Variants in PPL observed in about 807,000 individuals in gnomAD.
The protein encoded by PPL is 190 kDa paraneoplastic pemphigus antigen.
In PPL, 198 loss-of-function variants were observed where a neutral mutation model predicts 194.4. That is an observed-to-expected ratio of 1.02 (90% CI 0.91 to 1.15). The LOEUF (loss-of-function observed/expected upper bound fraction) is 1.15. Among genes scored for constraint, PPL ranks in the 50% most tolerant of loss-of-function variants. PPL has a pLI of 0.00. For synonymous variants in PPL, 1,220 were observed against 972.4 expected, an observed-to-expected ratio of 1.25 and a Z score of -4.74; for missense variants, 2,885 against 2,294.8, an observed-to-expected ratio of 1.26 and a Z score of -5.25.
Position 4,883,422 on chromosome 16 carries a change from T to C in PPL, c.5233A>G (p.Ile1745Val), listed in dbSNP as rs1467739994. ...YDRYVNKDMS[I>V]QELAVLVSGQ... ...GATACCAAGACCGCCAGCTCCTGGA[T>C]GGACATATCCTTGTTGACATAGCGG... The change falls in exon 22 of 22, where the codon ATC becomes GTC. Residue 1745 changes from isoleucine (I) to valine (V), a missense_variant. By Grantham distance (29) the Ile-to-Val change is conservative. Coordinates refer to ENST00000345988, the MANE Select transcript of PPL (RefSeq NM_002705.5). This position sits in a 1 kb window ranked among gnomAD's most constrained non-coding sequence, Gnocchi z 4.8. 2 of 1,614,072 alleles carry C rather than the reference T, an allele frequency of 1.2e-6. No homozygotes were observed. The highest frequency in any genetic ancestry group is 2.7e-5 in the African/African-American group (2 of 74,932).
chr16:4,913,100 T>A (rs2088852519), intron 1 of PPL, among the ~76,000 whole-genome samples: 2 of 149,758 alleles, frequency 1.3e-5, no homozygotes, highest in African/African-American at 2.5e-5. Context: ...CGAGACTCCA[T>A]CTCGAAAAAA....
chr16:4,913,602 A>T (rs532526131), intron 1 of PPL, among the ~76,000 whole-genome samples: 1 of 152,298 alleles, frequency 6.6e-6, no homozygotes, highest in East Asian at 1.9e-4. Flanking sequence ...CAGTGGTATC[A>T]TCTTGGCTCG....
At position 4,904,000 on chromosome 16, in the gene PPL, C is replaced by G; in HGVS notation, c.203G>C (p.Arg68Pro). The change falls in exon 3 of 22, where the codon CGG (arginine) becomes CCG (proline). Residue 68 changes from arginine to proline, a missense_variant. Physicochemically the swap from Arg to Pro is moderately radical, Grantham distance 103. Coordinates refer to ENST00000345988, the MANE Select transcript of PPL (RefSeq NM_002705.5). ...RLQEGRQPEH[R>P]DVTLQKVLDS... is the part of the protein sequence containing the mutation. ...CAACACCTTCTGCAGGGTCACGTCCCGGTGCTCAGGCTGCCGACCCTCCTG... is the reference window on the plus strand; with the variant it reads ...CAACACCTTCTGCAGGGTCACGTCCGGGTGCTCAGGCTGCCGACCCTCCTG... 1 of 1,613,350 alleles carries G rather than the reference C, an allele frequency of 6.2e-7. No individual in the cohort carries two copies. Among genetic ancestry groups the G allele is most frequent in the Non-Finnish European group, 8.5e-7 (1 of 1,180,000 alleles).
chr16:4,895,799 C>T, intron 9 of PPL, 83 bp from the exon 10 acceptor site: 5 of 1,590,234 alleles, frequency 3.1e-6, no homozygotes, highest in South Asian at 2.2e-5. Flanking sequence ...GCTCATCCCT[C>T]AGGCGGGGCT....
At position 4,894,565 on chromosome 16, in the gene PPL, G is replaced by A. The variant is rs1402164321; in HGVS notation, c.1296C>T (p.Ser432=). 6.2e-7 allele frequency: 1 copy of A among 1,613,966 alleles called. No individual in the cohort carries two copies. The highest frequency in any genetic ancestry group is 1.1e-5 in the South Asian group (1 of 91,076). ...SYTLQKNNGE[S]WELMDSAGNK... is the part of the protein sequence containing the mutation. ...TCCCAGCGCTGTCCATGAGCTCCCA[G>A]CTCTCCCCGTTGTTCTTCTGCAGGG... is the stretch of plus-strand genomic sequence containing the variant. The change falls in exon 12 of 22, where the codon AGC becomes AGT. Residue 432 remains serine, a synonymous_variant. Transcript: ENST00000345988.
intron 1 of PPL, among the ~76,000 whole-genome samples, chr16:4,927,516 GAAGC>G (rs1195704199): frequency 6.6e-6 from 1 of 152,202 alleles, no homozygotes; most frequent in African/African-American, 2.4e-5. Context: ...AGGTTTAAAA[GAAGC>G]AAGATGCCGA....
rs999278539 is a variant in PPL, at chr16:4,893,376, G to T, written c.1493-6C>A. 1.9e-6 allele frequency: 3 copies of T among 1,604,704 alleles called. No homozygotes were observed. The highest frequency in any genetic ancestry group is 1.3e-5 in the African/African-American group (1 of 75,030). On this transcript the variant is annotated splice_polypyrimidine_tract_variant and splice_region_variant and intron_variant, in intron 13 of 21. Transcript: ENST00000345988. ...CCCCTGTAGGTCAGAGGCATCTGTG[G>T]AGGGAGGGAGGACACAGGCAGGTGT...
chr16:4,910,769 A>G, intron 2 of PPL, 81 bp downstream of exon 2: 1 of 1,245,580 alleles, frequency 8.0e-7, no homozygotes, highest in Non-Finnish European at 1.2e-6. Flanking sequence ...GGTGAGAATC[A>G]CCGATTCCAA....
In PPL at chr16:4,895,395, C is replaced by G. The variant is rs1464414844; in HGVS notation, c.1108G>C (p.Val370Leu). ...LLRELDDQEK[V>L]LDKYEDVVQG... is the part of the protein sequence containing the mutation. ...ACCACGTCCTCATACTTGTCCAGCA[C>G]CTTCTCCTGGTCCTGGAGAGAACGG... Residue 370 changes from valine to leucine, a missense_variant, in exon 11 of 22, where the codon GTG (valine) becomes CTG (leucine). Physicochemically the swap from Val to Leu is conservative, Grantham distance 32. Coordinates refer to ENST00000345988, the MANE Select transcript of PPL (RefSeq NM_002705.5). 2 of 1,613,170 alleles carry G rather than the reference C, an allele frequency of 1.2e-6. No homozygotes were observed. The highest frequency in any genetic ancestry group is 1.3e-5 in the African/African-American group (1 of 74,924).
chr16:4,894,621 G>A lies in PPL; in HGVS notation c.1243-3C>T. ...CTGTAGCCCCGCGAGATCAGGCCCT[G>A]GCGGGGGCAGGCTGGACAGTCAGGA... On this transcript the variant is annotated splice_polypyrimidine_tract_variant and splice_region_variant and intron_variant, in intron 11 of 21. Coordinates refer to ENST00000345988, the MANE Select transcript of PPL (RefSeq NM_002705.5). The A allele has an allele frequency of 1.2e-6, 2 of 1,612,056 alleles. No individual in the cohort carries two copies. The highest frequency in any genetic ancestry group is 2.2e-5 in the South Asian group (2 of 91,076).
chr16:4,932,619 T>C (rs1204345384), intron 1 of PPL, among the ~76,000 whole-genome samples: 1 of 152,092 alleles, frequency 6.6e-6, no homozygotes, highest in Non-Finnish European at 1.5e-5. Context: ...GATTTCACCA[T>C]GTTGGCCAGG....
At chr16:4,933,596 A>G in intron 1 of PPL, among the ~76,000 whole-genome samples, 1 of 152,132 alleles carries the variant, frequency 6.6e-6, no homozygotes, top group East Asian at 1.9e-4. Context: ...GGCCTGTCAC[A>G]AAGTATGTGA....
Position 4,889,029 on chromosome 16 carries a change from C to T in PPL, c.2346G>A (p.Gln782=), listed in dbSNP as rs1333074820. ...NLLDEIASRE[Q]EVQKICANSQ... ...AATTGGCACAGATCTTCTGTACTTC[C>T]TGCTCCCTACTTGCTATCTCATCTA... The change falls in exon 19 of 22, where the codon CAG becomes CAA. Residue 782 remains glutamine (Q), a synonymous_variant. Coordinates refer to ENST00000345988, the MANE Select transcript of PPL (RefSeq NM_002705.5). 1.9e-6 allele frequency: 3 copies of T among 1,613,762 alleles called. No individual in the cohort carries two copies. Among genetic ancestry groups the T allele is most frequent in the Non-Finnish European group, 1.7e-6 (2 of 1,179,894 alleles).
Position 4,894,490 on chromosome 16 carries a change from A to C in PPL, c.1371T>G (p.Pro457=), listed in dbSNP as rs1049096858. 3 of 1,613,868 alleles carry C rather than the reference A, an allele frequency of 1.9e-6. No individual in the cohort carries two copies. Among genetic ancestry groups the C allele is most frequent in the Middle Eastern group, 1.7e-4 (1 of 6,058 alleles). Residue 457 remains proline, a synonymous_variant, in exon 12 of 22, where the codon CCT becomes CCG. Coordinates refer to ENST00000345988, the MANE Select transcript of PPL (RefSeq NM_002705.5). ...ACCTGTCAGCCAGAGCCAGGGCCTCAGGGTCTGTGGGGGGGATCACAAAAC... is the reference window on the plus strand; with the variant it reads ...ACCTGTCAGCCAGAGCCAGGGCCTCCGGGTCTGTGGGGGGGATCACAAAAC... ...AVCFVIPPTD[P]EALALADSLG...
chr16:4,891,436 CTTTTTTTT>C (rs57933525), intron 16 of PPL: 10 of 113,732 alleles, frequency 8.8e-5, no homozygotes, highest in East Asian at 5.0e-4. Flanking sequence ...GTGCTTTATG[CTTTTTTTT>C]TTTTTTTTTT....
Position 4,902,552 on chromosome 16 carries a change from G to C in PPL, c.318-26C>G. On this transcript the variant is annotated intron_variant, in intron 3 of 21. Transcript: ENST00000345988. The surrounding 1 kb of genome is among the most constrained non-coding windows in gnomAD (Gnocchi z 4.0). The stretch of plus-strand genomic sequence containing the variant: ...CTGATGGGAGAGAGGCTCCCACTTA[G>C]TGGGGCTGGTTGGCACTGCCTGCAC... 2 of 1,608,680 alleles carry C rather than the reference G, an allele frequency of 1.2e-6. No homozygotes were observed. The highest frequency in any genetic ancestry group is 1.7e-5 in the Admixed American group (1 of 59,436).
rs1186189914 is a variant in PPL, at chr16:4,927,340, C to G, written c.62+9644G>C. On this transcript the variant is annotated intron_variant, in intron 1 of 21. Transcript: ENST00000345988. The stretch of plus-strand genomic sequence containing the variant: ...AGAGGGAGCGAGGCAATCCATGTAA[C>G]TATGTGGTTCCCAACAGCTGCACAT... Among the ~76,000 whole-genome samples the G allele has an allele frequency of 3.3e-5, 5 of 152,196 alleles. No homozygotes were observed. The East Asian group carries it at 9.6e-4, about 29-fold the overall frequency.
intron 2 of PPL, among the ~76,000 whole-genome samples, chr16:4,907,204 G>C (rs1175265086): frequency 6.6e-6 from 1 of 151,870 alleles, no homozygotes; most frequent in Admixed American, 6.6e-5. Context: ...TGAGGCTTCA[G>C]TGAGTCGTGA....
At chr16:4,890,988 A>T (rs2471843) in intron 16 of PPL, 67 bp from the exon 17 acceptor site, 3 of 1,381,090 alleles carry the variant, frequency 2.2e-6, no homozygotes, top group Non-Finnish European at 1.9e-6. Flanking sequence ...GATGACACCC[A>T]CTGAAGCCCC....
Sources: allele counts gnomAD v4.1 joint callset (sites outside exome capture counted in the v4.1 genomes callset), GRCh38; gene constraint gnomAD v4.1.1; non-coding constraint Gnocchi (gnomAD v3.1); transcripts MANE v1.5; gene names NCBI Gene and HGNC (gene_info 2026-07-23, HGNC 2026-07-21).